SLC25A26: variants seen among roughly 807,000 people sequenced by gnomAD.
The protein encoded by SLC25A26 is mitochondrial S-adenosylmethionine carrier protein.
SLC25A26 carries 36 observed loss-of-function variants against 37.8 expected under a neutral mutation model. The ratio of observed to expected loss-of-function variants is 0.95; its 90% CI spans 0.73 to 1.26. The LOEUF (loss-of-function observed/expected upper bound fraction) is 1.26. Ranked by LOEUF, SLC25A26 falls within the 50% of genes most tolerant of loss-of-function variation. The probability of loss-of-function intolerance (pLI) is 0.00; values close to 1 mark genes in which losing one functional copy is unlikely to be tolerated. For missense variants in SLC25A26, 390 were observed against 331.1 expected, an observed-to-expected ratio of 1.18 and a Z score of -1.38; for synonymous variants, 129 against 122.5, an observed-to-expected ratio of 1.05 and a Z score of -0.35.
At chr3:66,321,589 G>A (rs1000151990) in intron 5 of SLC25A26, among the ~76,000 whole-genome samples, 3 of 152,126 alleles carry the variant, frequency 2.0e-5, no homozygotes, top group African/African-American at 7.2e-5. Flanking sequence ...TCCAGTGGGT[G>A]GGGGACAGGG....
chr3:66,294,897 A>C (rs80205472), intron 5 of SLC25A26, among the ~76,000 whole-genome samples: 1,717 of 152,306 alleles, frequency 0.011, 39 homozygotes, highest in African/African-American at 0.039. Context: ...TCTTAGTTGT[A>C]GGATTACATT....
Position 66,176,272 on chromosome 3 carries a change from A to G in SLC25A26, c.-354+42288A>G, listed in dbSNP as rs528863077. On this transcript the variant is annotated intron_variant, in intron 1 of 10. Transcript: ENST00000676754. ...TATCTATAGCACAGAGTTCTTTAAG[A>G]AAAAAATATTCTGGTGTCTTCCATC... Among the ~76,000 whole-genome samples, 8 of 152,274 alleles carry G rather than the reference A, an allele frequency of 5.3e-5. No homozygotes were observed. In the South Asian group the frequency reaches 1.7e-3, roughly 32 times the overall value.
intron 5 of SLC25A26, among the ~76,000 whole-genome samples, chr3:66,345,824 G>T (rs951072950): frequency 6.6e-6 from 1 of 152,282 alleles, no homozygotes; most frequent in East Asian, 1.9e-4. Flanking sequence ...TGTCATTTCA[G>T]TAGCCAGACT....
chr3:66,304,987 C>T lies in SLC25A26; in HGVS notation c.454-41377C>T, dbSNP rs148443504. On this transcript the variant is annotated intron_variant, in intron 5 of 9. Transcript: ENST00000354883. ...ATCTTGTGATTTATTTTTTATGACA[C>T]GGTAGTATCACTTGTTAGAGTTCTG... is the stretch of plus-strand genomic sequence containing the variant. Among the ~76,000 whole-genome samples the T allele has an allele frequency of 5.4e-3, 825 of 152,214 alleles. 15 individuals are homozygous for T. The highest frequency in any genetic ancestry group is 0.015 in the African/African-American group (617 of 41,528).
chr3:66,164,600 A>G (rs899855004), intron 1 of SLC25A26, among the ~76,000 whole-genome samples: 2 of 152,212 alleles, frequency 1.3e-5, no homozygotes, highest in Admixed American at 1.3e-4. Flanking sequence ...GACTTGGACT[A>G]GGGATCAGCA....
At chr3:66,359,729 G>C (rs1323756683) in intron 6 of SLC25A26, among the ~76,000 whole-genome samples, 1 of 152,176 alleles carries the variant, frequency 6.6e-6, no homozygotes, top group African/African-American at 2.4e-5. Context: ...GCTTCTAGGA[G>C]CTCTGGAAAA....
intron 5 of SLC25A26, among the ~76,000 whole-genome samples, chr3:66,309,961 A>C (rs2075330779): frequency 1.3e-5 from 2 of 152,212 alleles, no homozygotes; most frequent in South Asian, 4.1e-4. Context: ...GGTGCTGAGA[A>C]GAATGTATAT....
intron 1 of SLC25A26, among the ~76,000 whole-genome samples, chr3:66,211,272 G>T (rs2071280892): frequency 6.6e-6 from 1 of 152,132 alleles, no homozygotes; most frequent in Non-Finnish European, 1.5e-5. Flanking sequence ...AGAATAGAGG[G>T]GTTGTGCCCT....
intron 1 of SLC25A26, among the ~76,000 whole-genome samples, chr3:66,154,350 C>A (rs1019045257): frequency 1.3e-5 from 2 of 152,040 alleles, no homozygotes; most frequent in Non-Finnish European, 2.9e-5. Context: ...TAGCACAGCC[C>A]AGTCCTGCCT....
intron 6 of SLC25A26, among the ~76,000 whole-genome samples, chr3:66,354,335 A>G (rs945778815): frequency 1.3e-5 from 2 of 152,208 alleles, no homozygotes; most frequent in African/African-American, 4.8e-5. Flanking sequence ...AATGAAAATA[A>G]AATCAGTTTG....
intron 3 of SLC25A26, among the ~76,000 whole-genome samples, chr3:66,249,993 T>C (rs891117108): frequency 6.6e-6 from 1 of 152,244 alleles, no homozygotes; most frequent in Non-Finnish European, 1.5e-5. Flanking sequence ...CTGTTGACTT[T>C]TTCAAAGTGT....
intron 5 of SLC25A26, among the ~76,000 whole-genome samples, chr3:66,271,154 T>A (rs2073944995): frequency 6.6e-6 from 1 of 152,210 alleles, no homozygotes; most frequent in Admixed American, 6.5e-5. Context: ...TCTTTGTTGT[T>A]GTTCCTTTGT....
At chr3:66,193,511 G>C (rs1026250830) in intron 1 of SLC25A26, among the ~76,000 whole-genome samples, 3 of 152,080 alleles carry the variant, frequency 2.0e-5, no homozygotes, top group Admixed American at 1.3e-4. Flanking sequence ...AATTAAATCA[G>C]TTCAGATAAC....
chr3:66,290,614 A>G (rs1261522685), intron 5 of SLC25A26, among the ~76,000 whole-genome samples: 2 of 152,222 alleles, frequency 1.3e-5, no homozygotes, highest in Admixed American at 6.5e-5. Context: ...AATGGATTAC[A>G]TTTGTTGATT....
chr3:66,290,362 G>C (rs1465155853), intron 5 of SLC25A26, among the ~76,000 whole-genome samples: 2 of 152,328 alleles, frequency 1.3e-5, no homozygotes, highest in Admixed American at 6.5e-5. Flanking sequence ...TTGAATAGGA[G>C]TGGTGAGAGA....
chr3:66,278,984 C>T (rs1380699107), intron 5 of SLC25A26, among the ~76,000 whole-genome samples: 1 of 152,030 alleles, frequency 6.6e-6, no homozygotes, highest in Non-Finnish European at 1.5e-5. Flanking sequence ...ATGTAGTGTG[C>T]TAAGGCTGTA....
At chr3:66,187,757 G>A (rs1039629338) in intron 1 of SLC25A26, among the ~76,000 whole-genome samples, 1 of 120,264 alleles carries the variant, frequency 8.3e-6, no homozygotes. Flanking sequence ...CTATGAACTG[G>A]ACCTTGTCCC....
At chr3:66,216,911 A>G (rs2071370349), upstream of SLC25A26, among the ~76,000 whole-genome samples, 1 of 152,232 alleles carries the variant, frequency 6.6e-6, no homozygotes, top group Non-Finnish European at 1.5e-5. Flanking sequence ...AGCATGCACA[A>G]GTAGTAATGA....
chr3:66,362,195 C>T (rs897866917), intron 6 of SLC25A26, among the ~76,000 whole-genome samples: 8 of 151,880 alleles, frequency 5.3e-5, no homozygotes, highest in Non-Finnish European at 8.8e-5. Context: ...AGGTATTTCC[C>T]CAAGAGAAAT....
Sources: allele counts gnomAD v4.1 joint callset (sites outside exome capture counted in the v4.1 genomes callset), GRCh38; gene constraint gnomAD v4.1.1; transcripts MANE v1.5; gene names NCBI Gene and HGNC (gene_info 2026-07-23, HGNC 2026-07-21).